The following COL15A1 variants were observed in gnomAD, a reference collection of about 807,000 sequenced individuals.
COL15A1 encodes collagen type XV alpha 1 chain, also known as collagen alpha-1(XV) chain.
COL15A1 carries 111 observed loss-of-function variants against 165.9 expected under a neutral mutation model. The observed-to-expected ratio is 0.67, with a 90% confidence interval of 0.57 to 0.78. The LOEUF (loss-of-function observed/expected upper bound fraction) is 0.78, where lower values mean the gene tolerates loss of function less well. COL15A1 is among the 30% of genes least tolerant of loss of function. The probability of loss-of-function intolerance (pLI) is 0.00; values close to 1 mark genes in which losing one functional copy is unlikely to be tolerated. For synonymous variants in COL15A1, 659 were observed against 674.8 expected (o/e 0.98, Z 0.36); for missense variants, 1,745 against 1,789.7 (o/e 0.98, Z 0.45).
chr9:99,015,348 C>A, intron 9 of COL15A1, 69 bp from the exon 10 acceptor site: 1 of 1,062,182 alleles, frequency 9.4e-7, no homozygotes, highest in Non-Finnish European at 1.5e-6. Flanking sequence ...TTCCACCCCC[C>A]AGCCTCACAC....
intron 5 of COL15A1, among the ~76,000 whole-genome samples, chr9:98,992,618 C>T (rs1229218137): frequency 6.6e-6 from 1 of 152,242 alleles, no homozygotes; most frequent in South Asian, 2.1e-4. Context: ...GCCGAGGAGG[C>T]ACTGAGGGCG....
chr9:98,971,852 G>T (rs1838060974), intron 2 of COL15A1, among the ~76,000 whole-genome samples: 1 of 152,172 alleles, frequency 6.6e-6, no homozygotes, highest in Admixed American at 6.5e-5. Context: ...GGATGGGGGA[G>T]CCACCCCACG....
At chr9:98,982,453 C>T (rs983383518) in intron 2 of COL15A1, among the ~76,000 whole-genome samples, 1 of 152,104 alleles carries the variant, frequency 6.6e-6, no homozygotes, top group African/African-American at 2.4e-5. Context: ...GCTCAATAGC[C>T]ATATGTGGCT....
intron 32 of COL15A1, 41 bp downstream of exon 32, chr9:99,054,697 G>T: frequency 1.3e-6 from 2 of 1,584,958 alleles, no homozygotes; most frequent in Non-Finnish European, 1.7e-6. Context: ...TTGATTTTTT[G>T]CTCCTGAGAA....
intron 16 of COL15A1, among the ~76,000 whole-genome samples, chr9:99,032,552 T>G (rs59431212): frequency 0.011 from 1,650 of 152,288 alleles, 23 homozygotes; most frequent in African/African-American, 0.038. Context: ...GGACTTTTTT[T>G]GGGGGGAGGG....
At chr9:98,996,324 A>C (rs1445568208) in intron 5 of COL15A1, among the ~76,000 whole-genome samples, 1 of 152,180 alleles carries the variant, frequency 6.6e-6, no homozygotes, top group African/African-American at 2.4e-5. Flanking sequence ...TCCAGGGGTG[A>C]TGCTGTGACT....
At position 99,055,167 on chromosome 9, in the gene COL15A1, C is replaced by T. The variant is rs1825698857; in HGVS notation, c.3081+16C>T. The T allele has an allele frequency of 6.2e-7, 1 of 1,610,436 alleles. No individual in the cohort carries two copies. Among genetic ancestry groups the T allele is most frequent in the Non-Finnish European group, 8.5e-7 (1 of 1,176,652 alleles). On this transcript the variant is annotated intron_variant, in intron 33 of 41. Transcript: ENST00000375001. ...CAACTTGAAGGTGAGTATTTCTCTA[C>T]CAATATTTGGCCTGTGTTTTTCAGG...
At chr9:98,992,810 C>G (rs1209662285) in intron 5 of COL15A1, among the ~76,000 whole-genome samples, 7 of 152,192 alleles carry the variant, frequency 4.6e-5, no homozygotes, top group Admixed American at 3.9e-4. Context: ...CAAGCCAGGC[C>G]TCACTCCCCA....
chr9:99,024,145 T>G (rs1839074619), intron 14 of COL15A1, among the ~76,000 whole-genome samples: 1 of 152,080 alleles, frequency 6.6e-6, no homozygotes, highest in Admixed American at 6.5e-5. Context: ...CTGGACTCCG[T>G]GGTTAAATGG....
intron 16 of COL15A1, among the ~76,000 whole-genome samples, chr9:99,031,905 A>G (rs959665636): frequency 7.6e-4 from 115 of 152,128 alleles, no homozygotes; most frequent in Non-Finnish European, 1.2e-3. Context: ...TAGATGGCAA[A>G]CTTTCTGAGA....
intron 35 of COL15A1, among the ~76,000 whole-genome samples, 198 bp from the exon 36 acceptor site, chr9:99,059,691 C>T (rs1252752092): frequency 6.6e-6 from 1 of 152,178 alleles, no homozygotes; most frequent in Non-Finnish European, 1.5e-5. Context: ...AATCAAGAAT[C>T]CCAGCTCTTC....
Position 98,986,224 on chromosome 9 carries a change from G to A in COL15A1, c.648+112G>A, listed in dbSNP as rs1838311360. ...ATTTTATTCTTATGTCCTCAAAGAA[G>A]CATGCGTGTTATGATGGGAAATAAC... is the stretch of plus-strand genomic sequence containing the variant. On this transcript the variant is annotated intron_variant, in intron 3 of 41. Transcript: ENST00000375001. The A allele has an allele frequency of 2.9e-5, 25 of 873,036 alleles. No homozygotes were observed. In the South Asian group the frequency reaches 3.8e-4, roughly 13 times the overall value. 54.1% of individuals were successfully genotyped at this position (873,036 alleles called of 1,614,324 possible).
rs150727125 is a variant in COL15A1 at position 99,021,726 on chromosome 9, G to T, written c.1702-365G>T. On this transcript the variant is annotated intron_variant, in intron 12 of 41. Coordinates refer to ENST00000375001, the MANE Select transcript of COL15A1 (RefSeq NM_001855.5). ...GTCACACGCCCTGGTGAGAGGAGCA[G>T]GTGGGCAGGGCAGGCTTCAGGGGAG... 4.3e-3 allele frequency among the ~76,000 whole-genome samples: 657 copies of T among 152,352 alleles called. 4 individuals are homozygous for T. Among genetic ancestry groups the T allele is most frequent in the Middle Eastern group, 0.01 (3 of 294 alleles).
At chr9:98,960,068 G>T (rs1339100630) in intron 2 of COL15A1, among the ~76,000 whole-genome samples, 1 of 152,092 alleles carries the variant, frequency 6.6e-6, no homozygotes, top group South Asian at 2.1e-4. Context: ...CTTAAACTGT[G>T]GTCCCTGGAC....
chr9:98,985,764 C>A lies in COL15A1; in HGVS notation c.300C>A (p.Ser100Arg). Residue 100 changes from serine (S) to arginine (R), a missense_variant, in exon 3 of 42, where the codon AGC (serine) becomes AGA (arginine). By Grantham distance (110) the Ser-to-Arg change is moderately radical. Coordinates refer to ENST00000375001, the MANE Select transcript of COL15A1 (RefSeq NM_001855.5). Reference protein sequence around the residue: ...DFAISVVVKPSSTRGGVLFAI... With the variant: ...DFAISVVVKPRSTRGGVLFAI... ...CCATCAGCGTCGTGGTGAAGCCCAG[C>A]AGCACCCGTGGTGGCGTGCTCTTCG... 1 of 1,614,058 alleles carries A rather than the reference C, an allele frequency of 6.2e-7. No individual in the cohort carries two copies. Among genetic ancestry groups the A allele is most frequent in the Non-Finnish European group, 8.5e-7 (1 of 1,179,968 alleles).
chr9:99,034,584 GGT>G lies in COL15A1; in HGVS notation c.2079+1_2079+2del. Reference sequence around the variant, plus strand: ...GGCCTAATGGCTCAGTTGGTGAAAAGGTAAAAAAAAAAAAAAAAAAAAAAAAA... The same window carrying G: ...GGCCTAATGGCTCAGTTGGTGAAAAGAAAAAAAAAAAAAAAAAAAAAAAAA... On this transcript the variant is annotated splice_donor_variant, in intron 17 of 41. Transcript: ENST00000375001. LOFTEE classifies it high-confidence loss of function. The G allele has an allele frequency of 2.5e-6, 1 of 400,302 alleles. No individual in the cohort carries two copies. 24.8% of individuals were successfully genotyped at this position (400,302 alleles called of 1,614,324 possible).
At chr9:99,053,752 C>T (rs1388628758) in intron 31 of COL15A1, among the ~76,000 whole-genome samples, 2 of 152,188 alleles carry the variant, frequency 1.3e-5, no homozygotes, top group Admixed American at 1.3e-4. Context: ...ACCATCATTC[C>T]TGTGATGCTC....
intron 5 of COL15A1, among the ~76,000 whole-genome samples, chr9:98,992,034 C>T (rs1007718648): frequency 4.6e-5 from 7 of 152,276 alleles, no homozygotes; most frequent in African/African-American, 1.4e-4. Context: ...CCCCACCCAA[C>T]TCAGGAGTCC....
At chr9:98,945,808 G>T (rs1328166398) in intron 2 of COL15A1, among the ~76,000 whole-genome samples, 1 of 152,194 alleles carries the variant, frequency 6.6e-6, no homozygotes, top group East Asian at 1.9e-4. Context: ...ATGGTCTTTT[G>T]TGAACTTTGC....
Sources: allele counts gnomAD v4.1 joint callset (sites outside exome capture counted in the v4.1 genomes callset), GRCh38; gene constraint gnomAD v4.1.1; transcripts MANE v1.5; gene names NCBI Gene and HGNC (gene_info 2026-07-23, HGNC 2026-07-21).